The following PUDP variants were observed in gnomAD, a reference collection of about 807,000 sequenced individuals.
PUDP encodes the protein pseudouridine-5'-phosphatase.
A neutral mutation model predicts 9.4 loss-of-function variants in PUDP; 8 were observed. The observed-to-expected ratio is 0.85, with a 90% CI of 0.50 to 1.53. The LOEUF (loss-of-function observed/expected upper bound fraction) is 1.53. Among genes scored for constraint, PUDP ranks in the 40% most tolerant of loss-of-function variants. PUDP has a pLI of 0.00. For synonymous variants in PUDP, 99 were observed against 80.7 expected, an observed-to-expected ratio of 1.23 and a Z score of -1.22; for missense variants, 188 against 189.7, an observed-to-expected ratio of 0.99 and a Z score of 0.05.
At chrX:7,129,089 C>A (rs1932555154) in intron 1 of PUDP, among the ~76,000 whole-genome samples, 1 of 111,752 alleles carries the variant, frequency 8.9e-6, no homozygotes, top group Non-Finnish European at 1.9e-5. Flanking sequence ...GTACCCTTAG[C>A]CTTCGGGCAA....
At chrX:6,706,127 C>G (rs1372114471) in intron 2 of PUDP, among the ~76,000 whole-genome samples, 1 of 112,033 alleles carries the variant, frequency 8.9e-6, no homozygotes. Flanking sequence ...CCAGGATAGT[C>G]AAGTTCATAG....
At chrX:7,036,579 T>C (rs1929855559) in intron 1 of PUDP, among the ~76,000 whole-genome samples, 1 of 110,447 alleles carries the variant, frequency 9.1e-6, no homozygotes, top group African/African-American at 3.3e-5. Context: ...CTTTTACTTT[T>C]TGTTCTTTTC....
intron 1 of PUDP, among the ~76,000 whole-genome samples, chrX:6,710,600 T>C (rs1381017611): frequency 8.9e-6 from 1 of 111,844 alleles, no homozygotes; most frequent in Admixed American, 9.6e-5. Flanking sequence ...GTGTCATTAT[T>C]ATTAAATGCA....
At position 7,077,369 on chromosome X, in the gene PUDP, C is replaced by T. The variant is rs199668948; in HGVS notation, c.361G>A (p.Asp121Asn). 77 of 1,208,720 alleles carry T rather than the reference C, an allele frequency of 6.4e-5. No homozygotes were observed. In the East Asian group the frequency reaches 9.8e-4, roughly 15 times the overall value. ...LATSSGSASFDMKTSRHKEFF... is the reference protein window; with the variant it reads ...LATSSGSASFNMKTSRHKEFF... ...TCCTTGTGGCGGCTTGTCTTCATATCGAACGACGCGGACCCCGAGCTGGTG... is the reference window on the plus strand; with the variant it reads ...TCCTTGTGGCGGCTTGTCTTCATATTGAACGACGCGGACCCCGAGCTGGTG... The change falls in exon 3 of 4, where the codon GAT (aspartate) becomes AAT (asparagine). Residue 121 changes from aspartate (D) to asparagine (N), a missense_variant. Physicochemically the swap from Asp to Asn is conservative, Grantham distance 23 (BLOSUM62 1). Coordinates refer to ENST00000381077, the MANE Select transcript of PUDP (RefSeq NM_012080.5).
At chrX:6,922,681 G>T (rs148772432) in intron 3 of PUDP, among the ~76,000 whole-genome samples, 1,475 of 111,748 alleles carry the variant, frequency 0.013, 21 homozygotes, top group African/African-American at 0.046. Flanking sequence ...TTCACAGAAA[G>T]AAATGGAAAG....
chrX:6,888,227 C>CTG (rs1016206007), intron 3 of PUDP, among the ~76,000 whole-genome samples: 1 of 111,361 alleles, frequency 9.0e-6, no homozygotes, highest in African/African-American at 3.3e-5. Context: ...GCGTGGAATG[C>CTG]TGTGTGACAA....
chrX:7,114,424 C>T (rs1932140603), intron 1 of PUDP, among the ~76,000 whole-genome samples: 2 of 111,593 alleles, frequency 1.8e-5, no homozygotes, highest in South Asian at 7.6e-4. Flanking sequence ...CCTTTGATAA[C>T]GCATTCATCC....
intron 1 of PUDP, among the ~76,000 whole-genome samples, chrX:7,140,894 T>C (rs1211731386): frequency 8.9e-6 from 1 of 112,173 alleles, no homozygotes; most frequent in East Asian, 2.8e-4. Context: ...CGTTTCATTA[T>C]TACATCTGTT....
At chrX:6,794,304 T>C (rs1925802432) in intron 3 of PUDP, among the ~76,000 whole-genome samples, 1 of 112,183 alleles carries the variant, frequency 8.9e-6, no homozygotes, top group Non-Finnish European at 1.9e-5. Flanking sequence ...CTGCAGGCAA[T>C]TGTAACACAA....
rs748389434 is a variant in PUDP, at chrX:6,750,936, G to T, written c.*248-44470C>A. On this transcript the variant is annotated intron_variant and NMD_transcript_variant, in intron 3 of 3. Coordinates refer to the PUDP transcript ENST00000655425. Reference sequence around the variant, plus strand: ...GGGCAGATCACAAGGTCAGGAGATGGAGACCATCCTGGCTAACACGGTAAA... The same window carrying T: ...GGGCAGATCACAAGGTCAGGAGATGTAGACCATCCTGGCTAACACGGTAAA... Among the ~76,000 whole-genome samples the T allele has an allele frequency of 4.5e-5, 5 of 111,047 alleles. No individual in the cohort carries two copies. In the East Asian group the frequency reaches 1.4e-3, roughly 31 times the overall value.
chrX:6,867,177 G>A (rs1927099633), intron 3 of PUDP, among the ~76,000 whole-genome samples: 1 of 111,842 alleles, frequency 8.9e-6, no homozygotes, highest in South Asian at 3.7e-4. Flanking sequence ...ATAAGATCTA[G>A]GTCATCTAAG....
At chrX:7,090,858 T>C (rs1931401875) in intron 2 of PUDP, among the ~76,000 whole-genome samples, 1 of 111,916 alleles carries the variant, frequency 8.9e-6, no homozygotes, top group African/African-American at 3.3e-5. Context: ...AGACACAATC[T>C]TGTGCTCCCC....
chrX:6,947,271 C>G (rs747340318), intron 3 of PUDP, among the ~76,000 whole-genome samples: 1 of 110,961 alleles, frequency 9.0e-6, no homozygotes, highest in South Asian at 3.8e-4. Context: ...CCTCGGCCCC[C>G]CAAAGTGCTG....
At chrX:6,919,153 C>T (rs1360632095) in intron 3 of PUDP, among the ~76,000 whole-genome samples, 1 of 111,812 alleles carries the variant, frequency 8.9e-6, no homozygotes, top group East Asian at 2.8e-4. Flanking sequence ...TTGTGGAATT[C>T]AGACCTTCTC....
chrX:7,145,981 T>G (rs1444339557), intron 1 of PUDP, among the ~76,000 whole-genome samples: 1 of 112,057 alleles, frequency 8.9e-6, no homozygotes, highest in Non-Finnish European at 1.9e-5. Flanking sequence ...TAGATTAAAT[T>G]AAAGTGGCAC....
At chrX:6,745,906 A>G (rs1924994158) in intron 3 of PUDP, among the ~76,000 whole-genome samples, 1 of 111,567 alleles carries the variant, frequency 9.0e-6, no homozygotes, top group Non-Finnish European at 1.9e-5. Flanking sequence ...GGCCTCCTAA[A>G]GTGCTGAAAT....
chrX:7,050,833 A>AT (rs2146836730), intron 3 of PUDP, among the ~76,000 whole-genome samples: 1 of 112,513 alleles, frequency 8.9e-6, no homozygotes, highest in Admixed American at 9.4e-5. Context: ...AGGCAATTGC[A>AT]AAACTAAAAA....
At chrX:6,761,156 C>T (rs759377484) in intron 3 of PUDP, among the ~76,000 whole-genome samples, 1 of 111,986 alleles carries the variant, frequency 8.9e-6, no homozygotes, top group Non-Finnish European at 1.9e-5. Flanking sequence ...GTGCCTAGGA[C>T]GGCACATGGT....
At chrX:6,988,965 G>GT (rs1023816247) in intron 1 of PUDP, among the ~76,000 whole-genome samples, 1 of 111,465 alleles carries the variant, frequency 9.0e-6, no homozygotes, top group Middle Eastern at 4.2e-3. Flanking sequence ...AGCTGTTAGT[G>GT]AGACCTAGCC....
Sources: allele counts gnomAD v4.1 joint callset (sites outside exome capture counted in the v4.1 genomes callset), GRCh38; gene constraint gnomAD v4.1.1; transcripts MANE v1.5; gene names NCBI Gene and HGNC (gene_info 2026-07-23, HGNC 2026-07-21).